The following RBM10 variants were observed in gnomAD, a reference collection of about 807,000 sequenced individuals.
The protein encoded by RBM10 is RNA-binding protein 10.
A neutral mutation model predicts 84.9 loss-of-function variants in RBM10; 1 was observed. The ratio of observed to expected loss-of-function variants is 0.01; its 90% CI spans 0.00 to 0.06. The LOEUF (loss-of-function observed/expected upper bound fraction) is 0.06. Among genes scored for constraint, RBM10 ranks in the 10% least tolerant of loss-of-function variants. RBM10 has a pLI of 1.00. For missense variants in RBM10, 438 were observed against 839.0 expected, an observed-to-expected ratio of 0.52 and a Z score of 5.90; for synonymous variants, 326 against 344.5, an observed-to-expected ratio of 0.95 and a Z score of 0.60.
rs782766004 is a variant in RBM10, at chrX:47,171,036, C to T, written c.210C>T (p.Tyr70=). ...SSEEQSAEDS[Y]EASPGSETQR... The stretch of plus-strand genomic sequence containing the variant: ...CTCATTCTGTCGGCCAGGATTCCTA[C>T]GAGGCCTCCCCGGGCTCCGAGACTC... Residue 70 remains tyrosine, a synonymous_variant, in exon 4 of 24, where the codon TAC becomes TAT. Transcript: ENST00000377604. The T allele has an allele frequency of 1.3e-5, 16 of 1,210,900 alleles. No individual in the cohort carries two copies. The highest frequency in any genetic ancestry group is 1.7e-5 in the Non-Finnish European group (15 of 894,940).
chrX:47,167,828 A>C (rs1426382973), intron 2 of RBM10, among the ~76,000 whole-genome samples: 1 of 112,157 alleles, frequency 8.9e-6, no homozygotes, highest in Non-Finnish European at 1.9e-5. Flanking sequence ...ATCCTTACTG[A>C]TTTATTATTT....
Position 47,167,227 on chromosome X carries a change from G to GT in RBM10, c.18-2081dup, listed in dbSNP as rs782145213. On this transcript the variant is annotated intron_variant, in intron 2 of 23. Transcript: ENST00000377604. ...GGTTAATGATGTTTTTTATTTTTCT[G>GT]TTTTTTTCTCCAAGCAAAAGTATTT... Among the ~76,000 whole-genome samples, 41 of 109,836 alleles carry GT rather than the reference G, an allele frequency of 3.7e-4. 1 individual carries two copies. Among genetic ancestry groups the GT allele is most frequent in the African/African-American group, 1.3e-3 (40 of 30,254 alleles).
At chrX:47,157,525 C>T (rs1182498366) in intron 2 of RBM10, 89 of 412,053 alleles carry the variant, frequency 2.2e-4, no homozygotes, top group Middle Eastern at 1.3e-3. Flanking sequence ...CAGATCCTGC[C>T]GCCTTCCATG....
rs1569196307 is a variant in RBM10 at position 47,181,931 on chromosome X, C to A, written c.1694-20C>A. The A allele has an allele frequency of 8.3e-7, 1 of 1,210,870 alleles. No individual in the cohort carries two copies. Among genetic ancestry groups the A allele is most frequent in the Non-Finnish European group, 1.1e-6 (1 of 895,313 alleles). Reference sequence around the variant, plus strand: ...TAATAAAGCAGGGAATAGTGTGACCCCGTTCCCCTCACCCCCTAGCTGTTC... The same window carrying A: ...TAATAAAGCAGGGAATAGTGTGACCACGTTCCCCTCACCCCCTAGCTGTTC... On this transcript the variant is annotated intron_variant, in intron 15 of 23. Transcript: ENST00000377604.
intron 2 of RBM10, among the ~76,000 whole-genome samples, chrX:47,162,649 G>C (rs1556767122): frequency 9.1e-6 from 1 of 110,186 alleles, no homozygotes; most frequent in Admixed American, 9.8e-5. Context: ...GGCGAGGGGG[G>C]CGGATCGTGA....
rs200347455 is a variant in RBM10, at chrX:47,185,113, A to G, written c.2009A>G (p.Lys670Arg). Residue 670 changes from lysine (K) to arginine (R), a missense_variant, in exon 18 of 24, where the codon AAA becomes AGA. Transcript: ENST00000377604. ...RSLNKQKENF[K>R]NSFQPISSLR... is the part of the protein sequence containing the mutation. ...CTCAACAAACAAAAAGAAAACTTCA[A>G]AAATAGCTTCCAGCCTATCAGCTCC... 1 of 1,210,468 alleles carries G rather than the reference A, an allele frequency of 8.3e-7. No individual in the cohort carries two copies. The highest frequency in any genetic ancestry group is 3.0e-5 in the East Asian group (1 of 33,766).
intron 21 of RBM10, 46 bp from the exon 22 acceptor site, chrX:47,186,017 GAA>G (rs782333784): frequency 2.5e-6 from 3 of 1,197,691 alleles, no homozygotes; most frequent in Non-Finnish European, 3.4e-6. Context: ...TGTTGCCTGA[GAA>G]AAGAGACCAG....
At chrX:47,179,710 G>T in intron 9 of RBM10, 170 bp from the exon 10 acceptor site, 1 of 803,395 alleles carries the variant, frequency 1.2e-6, no homozygotes, top group Non-Finnish European at 1.8e-6. Context: ...CAGCCAGGCT[G>T]GCACCTGGAC....
At chrX:47,178,169 C>T (rs1309412681) in intron 7 of RBM10, among the ~76,000 whole-genome samples, 1 of 111,730 alleles carries the variant, frequency 9.0e-6, no homozygotes, top group Non-Finnish European at 1.9e-5. Flanking sequence ...TCCTCCTCTG[C>T]TTAACCAGCC....
At chrX:47,177,391 C>T (rs1274014238) in intron 7 of RBM10, among the ~76,000 whole-genome samples, 2 of 111,890 alleles carry the variant, frequency 1.8e-5, no homozygotes, top group Non-Finnish European at 3.8e-5. Context: ...ACTTGGATGC[C>T]ACAGTGGCTT....
intron 2 of RBM10, among the ~76,000 whole-genome samples, chrX:47,159,857 G>C (rs782046609): frequency 4.5e-5 from 5 of 112,242 alleles, no homozygotes; most frequent in African/African-American, 1.6e-4. Flanking sequence ...ATCCTAGAAG[G>C]CCAGGCGCGG....
At chrX:47,153,356 A>G (rs1205555887) in intron 2 of RBM10, among the ~76,000 whole-genome samples, 1 of 112,011 alleles carries the variant, frequency 8.9e-6, no homozygotes, top group Non-Finnish European at 1.9e-5. Flanking sequence ...AAGATCATGT[A>G]TTGCATTGAG....
intron 7 of RBM10, 22 bp from the exon 8 acceptor site, chrX:47,179,081 C>T (rs782406047): frequency 1.8e-5 from 22 of 1,202,589 alleles, no homozygotes; most frequent in South Asian, 5.4e-5. Flanking sequence ...CTCCCTCTGA[C>T]GGCCTGGCCT....
At chrX:47,160,744 A>G (rs1219247543) in intron 2 of RBM10, among the ~76,000 whole-genome samples, 1 of 111,585 alleles carries the variant, frequency 9.0e-6, no homozygotes, top group Non-Finnish European at 1.9e-5. Flanking sequence ...CTATTTGGGA[A>G]TTTAAGTTTT....
At chrX:47,149,421 C>T (rs1009373951) in intron 2 of RBM10, among the ~76,000 whole-genome samples, 4 of 111,724 alleles carry the variant, frequency 3.6e-5, no homozygotes, top group Middle Eastern at 4.2e-3. Flanking sequence ...AGTGCAATGG[C>T]GCAGTCTTGG....
chrX:47,180,347 T>TTGGGG, intron 11 of RBM10, 38 bp downstream of exon 11: 1 of 210,709 alleles, frequency 4.7e-6, no homozygotes, highest in Non-Finnish European at 7.8e-6. Context: ...ACCCTTCCCC[T>TTGGGG]CCCCACCCTC....
chrX:47,170,956 C>A, intron 3 of RBM10, 72 bp from the exon 4 acceptor site: 2 of 1,068,698 alleles, frequency 1.9e-6, no homozygotes, highest in South Asian at 3.8e-5. Flanking sequence ...CCTCACAGAG[C>A]CAGCGGCCAG....
chrX:47,184,876 G>A (rs1476314823), intron 17 of RBM10, among the ~76,000 whole-genome samples, 179 bp from the exon 18 acceptor site: 6 of 111,175 alleles, frequency 5.4e-5, no homozygotes, highest in Admixed American at 4.8e-4. Context: ...AGAGCGCTCT[G>A]CTGGGAAAGG....
chrX:47,182,973 G>T (rs1462066010), intron 17 of RBM10, among the ~76,000 whole-genome samples: 1 of 112,570 alleles, frequency 8.9e-6, no homozygotes, highest in Non-Finnish European at 1.9e-5. Context: ...GTCAGGGGAA[G>T]AGGAGTGTCT....
Sources: gnomAD v4.1 joint callset for allele counts (sites outside exome capture counted in the v4.1 genomes callset) on GRCh38, gnomAD v4.1.1 for gene constraint, MANE v1.5 for transcripts, NCBI Gene and HGNC (gene_info 2026-07-23, HGNC 2026-07-21) for gene names.